The following GLYATL2 variants were observed in gnomAD, a reference collection of about 807,000 sequenced individuals.
GLYATL2 encodes the protein glycine-N-acyltransferase like 2, also known as glycine N-acyltransferase-like protein 2.
A neutral mutation model predicts 21.4 loss-of-function variants in GLYATL2; 25 were observed. The ratio of observed to expected loss-of-function variants is 1.17; its 90% CI spans 0.85 to 1.63. The LOEUF is 1.63. Ranked by LOEUF, GLYATL2 falls within the 40% of genes most tolerant of loss-of-function variation. The pLI is 0.00. For synonymous variants in GLYATL2, 114 were observed against 118.2 expected, an observed-to-expected ratio of 0.96 and a Z score of 0.23; for missense variants, 361 against 343.3, an observed-to-expected ratio of 1.05 and a Z score of -0.41.
At chr11:58,874,958 T>C (rs1180862936) in intron 1 of GLYATL2, among the ~76,000 whole-genome samples, 1 of 152,252 alleles carries the variant, frequency 6.6e-6, no homozygotes, top group African/African-American at 2.4e-5. Context: ...ACTTGCTTTA[T>C]GAATCTGGGT....
At chr11:58,839,752 G>A (rs1159259480) in intron 1 of GLYATL2, 100 bp from the exon 2 acceptor site, 1 of 506,034 alleles carries the variant, frequency 2.0e-6, no homozygotes, top group Non-Finnish European at 3.5e-6. Flanking sequence ...TACACTATTA[G>A]CAGTGATGGG....
intron 1 of GLYATL2, among the ~76,000 whole-genome samples, chr11:58,896,479 C>A (rs1172323854): frequency 6.6e-6 from 1 of 152,196 alleles, no homozygotes; most frequent in Non-Finnish European, 1.5e-5. Flanking sequence ...CTTCAATTTC[C>A]ATAGTGTGAG....
chr11:58,894,082 T>G (rs1854592877), intron 1 of GLYATL2, among the ~76,000 whole-genome samples: 4 of 152,224 alleles, frequency 2.6e-5, no homozygotes. Context: ...TTGTTGTGCC[T>G]CCTTTCTCCT....
upstream of GLYATL2, among the ~76,000 whole-genome samples, chr11:58,846,450 T>C (rs1247705235): frequency 3.3e-5 from 5 of 152,286 alleles, no homozygotes; most frequent in South Asian, 4.1e-4. Context: ...AAAAACAGTC[T>C]TGAATCACCA....
intron 1 of GLYATL2, among the ~76,000 whole-genome samples, chr11:58,853,884 G>A (rs1379806218): frequency 1.6e-4 from 24 of 152,066 alleles, no homozygotes; most frequent in Non-Finnish European, 3.4e-4. Flanking sequence ...TAGTCACCAT[G>A]CTGCACAATA....
intron 1 of GLYATL2, chr11:58,893,159 G>T: frequency 2.6e-6 from 1 of 385,802 alleles, no homozygotes; most frequent in Non-Finnish European, 4.9e-6. Flanking sequence ...CGCTGCATAG[G>T]AGCCATGCCA....
chr11:58,881,597 T>C lies in GLYATL2; in HGVS notation n.60+22559A>G, dbSNP rs536291100. On this transcript the variant is annotated intron_variant and non_coding_transcript_variant, in intron 1 of 4. Coordinates refer to the GLYATL2 transcript ENST00000533636. ...TGTTTTTAGAAGGCTGATTTTTTTT[T>C]ATTATTATACTTTAAGTTGTAGGGA... Among the ~76,000 whole-genome samples the C allele has an allele frequency of 3.2e-4, 49 of 152,318 alleles. 1 individual carries two copies. The South Asian group carries it at 8.9e-3, about 28-fold the overall frequency.
At chr11:58,858,613 G>A (rs1853875654) in intron 1 of GLYATL2, among the ~76,000 whole-genome samples, 1 of 152,094 alleles carries the variant, frequency 6.6e-6, no homozygotes, top group African/African-American at 2.4e-5. Flanking sequence ...GAAGCAATGT[G>A]GCTGAAGACC....
chr11:58,884,983 C>G (rs561137357), intron 1 of GLYATL2: 1 of 156,228 alleles, frequency 6.4e-6, no homozygotes, highest in South Asian at 1.8e-4. Flanking sequence ...GCTGCTGGCC[C>G]TGTACGAATC....
intron 1 of GLYATL2, among the ~76,000 whole-genome samples, chr11:58,862,689 T>C (rs1440205723): frequency 6.6e-6 from 1 of 152,238 alleles, no homozygotes; most frequent in Non-Finnish European, 1.5e-5. Context: ...ATTTTGTTCA[T>C]GTATTATTTC....
At position 58,837,097 on chromosome 11, in the gene GLYATL2, G is replaced by T. The variant is rs1853446353; in HGVS notation, c.394C>A (p.Leu132Ile). Reference protein sequence around the residue: ...SVQVDYMKTILFIPELPKKHK... With the variant: ...SVQVDYMKTIIFIPELPKKHK... ...TTCTTTGGTAATTCCGGTATAAAGA[G>T]GATGGTTTTCATGTAATCTACCTGC... Residue 132 changes from leucine (L) to isoleucine (I), a missense_variant, in exon 5 of 6, where the codon CTC (leucine) becomes ATC (isoleucine). Physicochemically the swap from Leu to Ile is conservative, Grantham distance 5 (BLOSUM62 2). Coordinates refer to ENST00000287275, the MANE Select transcript of GLYATL2 (RefSeq NM_145016.4). 1 of 1,613,778 alleles carries T rather than the reference G, an allele frequency of 6.2e-7. No individual in the cohort carries two copies. Among genetic ancestry groups the T allele is most frequent in the South Asian group, 1.1e-5 (1 of 91,062 alleles).
chr11:58,872,901 T>A (rs1052636903), intron 1 of GLYATL2, among the ~76,000 whole-genome samples: 5 of 152,252 alleles, frequency 3.3e-5, no homozygotes, highest in Non-Finnish European at 5.9e-5. Flanking sequence ...ACGATATTGA[T>A]TGTCCCTACC....
At chr11:58,907,775 G>T (rs1030055546), upstream of GLYATL2, 28 of 188,352 alleles carry the variant, frequency 1.5e-4, no homozygotes, top group African/African-American at 6.4e-4. Context: ...GTTCCAGTAC[G>T]TTGTTATTTT....
chr11:58,852,719 A>G (rs892685921), intron 1 of GLYATL2, among the ~76,000 whole-genome samples: 4 of 152,204 alleles, frequency 2.6e-5, no homozygotes, highest in Non-Finnish European at 5.9e-5. Flanking sequence ...TTGAGACCAT[A>G]TTATCTGCCA....
chr11:58,849,518 G>C (rs1853702523), upstream of GLYATL2, among the ~76,000 whole-genome samples: 2 of 151,864 alleles, frequency 1.3e-5, no homozygotes, highest in South Asian at 4.2e-4. Flanking sequence ...AACCTGAACA[G>C]ACCAATAGCA....
chr11:58,875,866 A>G (rs1476917327), intron 1 of GLYATL2, among the ~76,000 whole-genome samples: 5 of 152,192 alleles, frequency 3.3e-5, no homozygotes, highest in Non-Finnish European at 5.9e-5. Context: ...GTTCTCCTGG[A>G]TAATATCCTG....
intron 1 of GLYATL2, among the ~76,000 whole-genome samples, chr11:58,895,369 G>A (rs1854616147): frequency 7.7e-6 from 1 of 129,176 alleles, no homozygotes; most frequent in South Asian, 2.7e-4. Context: ...AGTCCAAGAA[G>A]CATGCATTAA....
upstream of GLYATL2, chr11:58,905,274 T>A: frequency 8.3e-6 from 3 of 363,022 alleles, no homozygotes; most frequent in East Asian, 2.2e-4. Context: ...GCAGGCCAAG[T>A]CCCTCTAGAC....
At chr11:58,875,856 G>A (rs1427752211) in intron 1 of GLYATL2, among the ~76,000 whole-genome samples, 1 of 152,332 alleles carries the variant, frequency 6.6e-6, no homozygotes, top group Non-Finnish European at 1.5e-5. Context: ...GATTGGGGAA[G>A]TTCTCCTGGA....
Sources: gnomAD v4.1 joint callset for allele counts (sites outside exome capture counted in the v4.1 genomes callset) on GRCh38, gnomAD v4.1.1 for gene constraint, MANE v1.5 for transcripts, NCBI Gene and HGNC (gene_info 2026-07-23, HGNC 2026-07-21) for gene names.